Variants in ZC3H11A observed in about 807,000 individuals in gnomAD.
ZC3H11A encodes the protein zinc finger CCCH domain-containing protein 11A.
ZC3H11A carries 22 observed loss-of-function variants against 90.8 expected under a neutral mutation model. The observed-to-expected ratio is 0.24, with a 90% CI of 0.17 to 0.35. The LOEUF (loss-of-function observed/expected upper bound fraction) is 0.35, where lower values mean the gene tolerates loss of function less well. Among genes scored for constraint, ZC3H11A ranks in the 10% least tolerant of loss-of-function variants. The probability of loss-of-function intolerance (pLI) is 1.00; values close to 1 mark genes in which losing one functional copy is unlikely to be tolerated. For synonymous variants in ZC3H11A, 294 were observed against 339.8 expected, an observed-to-expected ratio of 0.87 and a Z score of 1.48; for missense variants, 701 against 964.9, an observed-to-expected ratio of 0.73 and a Z score of 3.62.
At chr1:203,846,947 G>C (rs1195935244) in intron 12 of ZC3H11A, among the ~76,000 whole-genome samples, 1 of 151,744 alleles carries the variant, frequency 6.6e-6, no homozygotes, top group Admixed American at 6.6e-5. Flanking sequence ...AGAGGTTGCA[G>C]TGAGCTGAGA....
chr1:203,817,358 A>AAACTCTTTTTTTCAGC (rs1553262269), intron 3 of ZC3H11A, among the ~76,000 whole-genome samples: 1 of 152,124 alleles, frequency 6.6e-6, no homozygotes, highest in Non-Finnish European at 1.5e-5. Context: ...GGCACGTGGC[A>AAACTCTTTTTTTCAGC]TGTAGTCATC....
At chr1:203,845,119 T>A (rs1687534882) in intron 12 of ZC3H11A, among the ~76,000 whole-genome samples, 1 of 152,206 alleles carries the variant, frequency 6.6e-6, no homozygotes, top group Admixed American at 6.5e-5. Flanking sequence ...GCCTATGGTT[T>A]TAACTATTAT....
intron 1 of ZC3H11A, chr1:203,797,596 C>G: frequency 6.5e-7 from 1 of 1,534,038 alleles, no homozygotes; most frequent in Non-Finnish European, 8.7e-7. Context: ...TTTAGTGATT[C>G]TGGGATTCTG....
intron 11 of ZC3H11A, among the ~76,000 whole-genome samples, chr1:203,840,096 G>A (rs1482404420): frequency 6.6e-6 from 1 of 150,798 alleles, no homozygotes; most frequent in Admixed American, 6.6e-5. Context: ...GAGCCACTGC[G>A]CCCAGCTAAT....
chr1:203,841,945 T>G (rs1206674992), intron 12 of ZC3H11A, among the ~76,000 whole-genome samples: 3 of 120,492 alleles, frequency 2.5e-5, no homozygotes, highest in Non-Finnish European at 5.0e-5. Context: ...GCAGAGACAC[T>G]CCTCAGTTCC....
chr1:203,843,599 G>A (rs568854059), intron 12 of ZC3H11A, among the ~76,000 whole-genome samples: 140 of 152,290 alleles, frequency 9.2e-4, no homozygotes, highest in African/African-American at 3.2e-3. Flanking sequence ...ATTGTAGAAT[G>A]AAAGCAGCCA....
At chr1:203,831,872 ATTTG>A (rs1407494534) in intron 9 of ZC3H11A, 101 bp downstream of exon 9, 2 of 894,016 alleles carry the variant, frequency 2.2e-6, no homozygotes, top group Non-Finnish European at 3.5e-6. Context: ...ATTTTCAGGA[ATTTG>A]TTAGTATGCT....
chr1:203,852,170 C>T lies in ZC3H11A; in HGVS notation c.2204C>T (p.Ser735Leu), dbSNP rs748301183. ...SLVLPPTQSSSDSSPPEVSGP... is the reference protein window; with the variant it reads ...SLVLPPTQSSLDSSPPEVSGP... ...GTGCTGCCTCCAACCCAGTCCTCTTCAGATTCCTCACCCCCGGAGGTGTCT... is the reference window on the plus strand; with the variant it reads ...GTGCTGCCTCCAACCCAGTCCTCTTTAGATTCCTCACCCCCGGAGGTGTCT... Residue 735 changes from serine to leucine, a missense_variant, in exon 18 of 18, where the codon TCA becomes TTA. Physicochemically the swap from Ser to Leu is moderately radical, Grantham distance 145. Transcript: ENST00000367210. The T allele has an allele frequency of 1.9e-6, 3 of 1,613,690 alleles. No individual in the cohort carries two copies. Among genetic ancestry groups the T allele is most frequent in the Non-Finnish European group, 2.5e-6 (3 of 1,179,822 alleles).
chr1:203,806,033 CCTG>C, intron 2 of ZC3H11A: 1 of 539,970 alleles, frequency 1.9e-6, no homozygotes. Context: ...GTGCGATTGT[CCTG>C]CTGCTGCTCA....
intron 4 of ZC3H11A, among the ~76,000 whole-genome samples, chr1:203,824,409 CTT>C (rs1196570330): frequency 1.3e-5 from 2 of 151,998 alleles, no homozygotes; most frequent in Non-Finnish European, 2.9e-5. Context: ...GAGAAGGAGT[CTT>C]TTTATCATGT....
At chr1:203,804,484 C>G (rs1671579060) in intron 2 of ZC3H11A, among the ~76,000 whole-genome samples, 1 of 151,868 alleles carries the variant, frequency 6.6e-6, no homozygotes, top group African/African-American at 2.4e-5. Flanking sequence ...TGAATGGTCT[C>G]TTCCTGTATA....
In ZC3H11A at chr1:203,797,819, T is replaced by C. The variant is rs897748742; in HGVS notation, c.-1588+2025T>C. 1.3e-5 allele frequency: 20 copies of C among 1,536,012 alleles called. No individual in the cohort carries two copies. The African/African-American group carries it at 2.7e-4, about 21-fold the overall frequency. On this transcript the variant is annotated intron_variant, in intron 1 of 17. Transcript: ENST00000367210. Reference sequence around the variant, plus strand: ...CTGGGAGGCCTGTTGCAGATGCCCCTGCTTTGTTAGCTTCCAATGACCCTG... The same window carrying C: ...CTGGGAGGCCTGTTGCAGATGCCCCCGCTTTGTTAGCTTCCAATGACCCTG...
At chr1:203,840,084 G>A (rs564993619) in intron 11 of ZC3H11A, among the ~76,000 whole-genome samples, 97 of 151,824 alleles carry the variant, frequency 6.4e-4, no homozygotes, top group African/African-American at 2.0e-3. Flanking sequence ...GATTACAAGC[G>A]TGAGCCACTG....
Position 203,804,318 on chromosome 1 carries a change from A to G in ZC3H11A, c.-146+1302A>G, listed in dbSNP as rs1373391711. ...AGGCACCCGCCACCTCGCCTGGCTAACTTTTTTGTATTTTTAGTAGAGACG... is the reference window on the plus strand; with the variant it reads ...AGGCACCCGCCACCTCGCCTGGCTAGCTTTTTTGTATTTTTAGTAGAGACG... On this transcript the variant is annotated intron_variant, in intron 2 of 17. Coordinates refer to ENST00000367210, the MANE Select transcript of ZC3H11A (RefSeq NM_001376342.1). Among the ~76,000 whole-genome samples the G allele has an allele frequency of 2.0e-5, 3 of 151,768 alleles. No individual in the cohort carries two copies. In the East Asian group the frequency reaches 5.8e-4, roughly 29 times the overall value.
At chr1:203,800,190 A>T in intron 1 of ZC3H11A, 1 of 1,520,950 alleles carries the variant, frequency 6.6e-7, no homozygotes, top group South Asian at 1.2e-5. Flanking sequence ...TTACTGGCAG[A>T]GGAAGATAAG....
At chr1:203,828,577 A>G (rs1253116209) in intron 5 of ZC3H11A, among the ~76,000 whole-genome samples, 155 bp downstream of exon 5, 3 of 152,244 alleles carry the variant, frequency 2.0e-5, no homozygotes, top group African/African-American at 7.2e-5. Flanking sequence ...TATTAAGGTT[A>G]AATGATTTAT....
intron 2 of ZC3H11A, among the ~76,000 whole-genome samples, chr1:203,808,788 AT>A (rs1303418733): frequency 1.3e-5 from 2 of 152,084 alleles, no homozygotes; most frequent in Non-Finnish European, 2.9e-5. Context: ...CGTCGTCGTC[AT>A]CGCCATCTTC....
chr1:203,804,068 G>A (rs1671349310), intron 2 of ZC3H11A, among the ~76,000 whole-genome samples: 1 of 151,542 alleles, frequency 6.6e-6, no homozygotes, highest in African/African-American at 2.4e-5. Flanking sequence ...GGTCTTCTGT[G>A]CCTTAGTAGT....
At chr1:203,824,205 T>A (rs1424884877) in intron 4 of ZC3H11A, among the ~76,000 whole-genome samples, 1 of 150,438 alleles carries the variant, frequency 6.6e-6, no homozygotes, top group Non-Finnish European at 1.5e-5. Context: ...GAGGTGGAGA[T>A]TGCAGTGAGC....
Sources: gnomAD v4.1 joint callset for allele counts (sites outside exome capture counted in the v4.1 genomes callset) on GRCh38, gnomAD v4.1.1 for gene constraint, MANE v1.5 for transcripts, NCBI Gene and HGNC (gene_info 2026-07-23, HGNC 2026-07-21) for gene names.